The following TRIM2 variants were observed in gnomAD, a reference collection of about 807,000 sequenced individuals.
TRIM2 encodes tripartite motif-containing protein 2.
Under a neutral mutation model 75.2 loss-of-function variants are expected in TRIM2, and 20 were observed. The ratio of observed to expected loss-of-function variants is 0.27; its 90% CI spans 0.19 to 0.39. The LOEUF (loss-of-function observed/expected upper bound fraction) is 0.39, where lower values mean the gene tolerates loss of function less well. Among genes scored for constraint, TRIM2 ranks in the 10% least tolerant of loss-of-function variants. TRIM2 has a pLI of 1.00. For missense variants in TRIM2, 660 were observed against 990.8 expected, an observed-to-expected ratio of 0.67 and a Z score of 4.48; for synonymous variants, 373 against 388.3, an observed-to-expected ratio of 0.96 and a Z score of 0.46.
chr4:153,196,606 C>G (rs562864812), intron 1 of TRIM2, among the ~76,000 whole-genome samples: 1 of 152,106 alleles, frequency 6.6e-6, no homozygotes, highest in Non-Finnish European at 1.5e-5. Context: ...ATGTCATTAC[C>G]GTTATTACTA....
At chr4:153,183,066 G>A (rs1732235493) in intron 1 of TRIM2, among the ~76,000 whole-genome samples, 1 of 152,244 alleles carries the variant, frequency 6.6e-6, no homozygotes, top group Non-Finnish European at 1.5e-5. Context: ...ATGAATGAAT[G>A]AGTGGCTGAA....
At chr4:153,245,622 T>C (rs1748928074) in intron 1 of TRIM2, among the ~76,000 whole-genome samples, 1 of 152,264 alleles carries the variant, frequency 6.6e-6, no homozygotes, top group Non-Finnish European at 1.5e-5. Context: ...ATAAATATAA[T>C]TTTATTGAAC....
chr4:153,233,249 T>A (rs1744138370), intron 1 of TRIM2, among the ~76,000 whole-genome samples: 1 of 152,090 alleles, frequency 6.6e-6, no homozygotes, highest in Non-Finnish European at 1.5e-5. Flanking sequence ...GAGGGACGAC[T>A]GGGAGAAGAC....
intron 1 of TRIM2, among the ~76,000 whole-genome samples, chr4:153,269,050 T>C (rs762535506): frequency 5.3e-5 from 8 of 152,198 alleles, no homozygotes; most frequent in Non-Finnish European, 1.0e-4. Context: ...TGCATATTAA[T>C]AGCATGTAGG....
chr4:153,280,069 G>C (rs538104388), intron 3 of TRIM2, among the ~76,000 whole-genome samples: 1 of 149,072 alleles, frequency 6.7e-6, no homozygotes, highest in African/African-American at 2.5e-5. Context: ...GCGAGACCCT[G>C]CCCCTACCCC....
At chr4:153,290,346 G>A (rs563276640) in intron 3 of TRIM2, among the ~76,000 whole-genome samples, 149 of 152,266 alleles carry the variant, frequency 9.8e-4, no homozygotes, top group African/African-American at 2.9e-3. Flanking sequence ...GTTTTAGATC[G>A]TTCTATTTCC....
intron 1 of TRIM2, among the ~76,000 whole-genome samples, chr4:153,253,028 C>G (rs976169297): frequency 6.6e-6 from 1 of 152,180 alleles, no homozygotes; most frequent in Non-Finnish European, 1.5e-5. Context: ...AAAGATGGAA[C>G]CTTCAACAGT....
rs72727874 is a variant in TRIM2 at position 153,243,827 on chromosome 4, C to G, written c.31-26508C>G. ...CCCTCCTTTTTTTTTTTCCCCCCCC[C>G]CTTGAGACAGGATCTCTCATTCTAT... is the stretch of plus-strand genomic sequence containing the variant. On this transcript the variant is annotated intron_variant, in intron 1 of 11. Coordinates refer to ENST00000338700, the MANE Select transcript of TRIM2 (RefSeq NM_015271.5). Among the ~76,000 whole-genome samples the G allele has an allele frequency of 1.7e-3, 221 of 133,156 alleles. 3 individuals are homozygous for G. In the East Asian group the frequency reaches 0.042, roughly 25 times the overall value. 87.4% of individuals were successfully genotyped at this position (133,156 alleles called of 152,430 possible).
Position 153,339,129 on chromosome 4 carries a change from G to T in TRIM2, c.*4163G>T. ...ATGTTGACTGCCTATTTAAAGAAAAGAATGAACGCTGTGCATCAAAGTGTT... is the reference window on the plus strand; with the variant it reads ...ATGTTGACTGCCTATTTAAAGAAAATAATGAACGCTGTGCATCAAAGTGTT... On this transcript the variant is annotated 3_prime_UTR_variant, in exon 12 of 12. Coordinates refer to ENST00000338700, the MANE Select transcript of TRIM2 (RefSeq NM_015271.5). 1 of 985,762 alleles carries T rather than the reference G, an allele frequency of 1.0e-6. No individual in the cohort carries two copies. Among genetic ancestry groups the T allele is most frequent in the Non-Finnish European group, 1.2e-6 (1 of 829,902 alleles). 61.1% of individuals were successfully genotyped at this position (985,762 alleles called of 1,614,324 possible). A position where few individuals can be genotyped will look rare whatever the true frequency, so the allele number is the denominator to read the frequency against.
intron 1 of TRIM2, among the ~76,000 whole-genome samples, chr4:153,239,219 G>A (rs1745828103): frequency 6.6e-6 from 1 of 152,238 alleles, no homozygotes; most frequent in East Asian, 1.9e-4. Context: ...AGGCGTCGTG[G>A]CGGGCACCTG....
chr4:153,284,004 G>A (rs1447550437), intron 3 of TRIM2, among the ~76,000 whole-genome samples: 1 of 150,812 alleles, frequency 6.6e-6, no homozygotes, highest in African/African-American at 2.4e-5. Context: ...TGAGTAGCTG[G>A]GATTACAGGT....
intron 1 of TRIM2, among the ~76,000 whole-genome samples, chr4:153,188,401 A>G (rs968105295): frequency 6.6e-6 from 1 of 152,174 alleles, no homozygotes; most frequent in Non-Finnish European, 1.5e-5. Context: ...TAGAGGCTGC[A>G]GTGAGCTGAG....
intron 1 of TRIM2, among the ~76,000 whole-genome samples, chr4:153,228,079 C>T (rs551355162): frequency 1.3e-5 from 2 of 152,308 alleles, no homozygotes; most frequent in East Asian, 1.9e-4. Flanking sequence ...CCTTATTTAG[C>T]GTGACCAGTG....
chr4:153,259,571 C>A (rs1386345100), intron 1 of TRIM2, among the ~76,000 whole-genome samples: 1 of 152,194 alleles, frequency 6.6e-6, no homozygotes, highest in Non-Finnish European at 1.5e-5. Context: ...TATTTACTGT[C>A]ATAGTTTTTT....
chr4:153,310,175 A>G (rs926858480), intron 6 of TRIM2: 1 of 152,222 alleles, frequency 6.6e-6, no homozygotes, highest in Non-Finnish European at 1.5e-5. Flanking sequence ...ATTGATTATA[A>G]TTACTTTAAA....
At chr4:153,232,328 G>A (rs189429066) in intron 1 of TRIM2, among the ~76,000 whole-genome samples, 9 of 152,108 alleles carry the variant, frequency 5.9e-5, no homozygotes, top group African/African-American at 1.7e-4. Flanking sequence ...GTGAAACCCC[G>A]TCTCTACTAA....
chr4:153,220,876 C>T (rs1212091708), intron 1 of TRIM2, among the ~76,000 whole-genome samples: 4 of 152,116 alleles, frequency 2.6e-5, no homozygotes, highest in African/African-American at 9.7e-5. Context: ...TTGAAACCCT[C>T]ATACATTACT....
chr4:153,197,873 CA>C (rs1181837071), intron 1 of TRIM2, among the ~76,000 whole-genome samples: 4 of 151,800 alleles, frequency 2.6e-5, no homozygotes, highest in African/African-American at 9.7e-5. Context: ...AACTCCGTCT[CA>C]AAAAAAATTA....
At chr4:153,317,976 C>T (rs1397423991) in intron 8 of TRIM2, among the ~76,000 whole-genome samples, 1 of 152,152 alleles carries the variant, frequency 6.6e-6, no homozygotes, top group African/African-American at 2.4e-5. Flanking sequence ...AAAAAAAGAC[C>T]TATCTCATAG....
Sources: gnomAD v4.1 joint callset for allele counts (sites outside exome capture counted in the v4.1 genomes callset) on GRCh38, gnomAD v4.1.1 for gene constraint, MANE v1.5 for transcripts, NCBI Gene and HGNC (gene_info 2026-07-23, HGNC 2026-07-21) for gene names.